Variants in TMCO1 observed in about 807,000 individuals in gnomAD.
TMCO1 encodes calcium load-activated calcium channel.
Under a neutral mutation model 29.3 loss-of-function variants are expected in TMCO1, and 29 were observed. That is an observed-to-expected ratio of 0.99 (90% CI 0.74 to 1.35). The LOEUF (loss-of-function observed/expected upper bound fraction) is 1.35. Among genes scored for constraint, TMCO1 ranks in the 40% most tolerant of loss-of-function variants. TMCO1 has a pLI of 0.00. For synonymous variants in TMCO1, 80 were observed against 77.1 expected (o/e 1.04, Z -0.20); for missense variants, 173 against 225.5 (o/e 0.77, Z 1.49).
At chr1:165,748,028 G>A (rs146582378) in intron 5 of TMCO1, among the ~76,000 whole-genome samples, 1 of 152,062 alleles carries the variant, frequency 6.6e-6, no homozygotes, top group African/African-American at 2.4e-5. Flanking sequence ...GTGTGGGGGC[G>A]AGTCCCTGTA....
At position 165,735,150 on chromosome 1, in the gene TMCO1, C is replaced by T. The variant is rs1043861086; in HGVS notation, c.469-7029G>A. 3.3e-5 allele frequency among the ~76,000 whole-genome samples: 5 copies of T among 152,096 alleles called. No individual in the cohort carries two copies. The East Asian group carries it at 9.6e-4, about 29-fold the overall frequency. On this transcript the variant is annotated intron_variant, in intron 6 of 6. Coordinates refer to ENST00000367881, the MANE Select transcript of TMCO1 (RefSeq NM_019026.6). ...GATTAAGTGACAATCTCTTTCTCTC[C>T]CTCTCACTTCCTCCTTCCTTTCCTC...
At chr1:165,745,552 T>C (rs535630686) in intron 5 of TMCO1, among the ~76,000 whole-genome samples, 3 of 145,508 alleles carry the variant, frequency 2.1e-5, no homozygotes, top group Non-Finnish European at 4.5e-5. Flanking sequence ...GAGGCTAAGG[T>C]AGGGGGATCA....
At chr1:165,766,298 A>G (rs1652564942) in intron 2 of TMCO1, among the ~76,000 whole-genome samples, 1 of 152,240 alleles carries the variant, frequency 6.6e-6, no homozygotes, top group Admixed American at 6.5e-5. Context: ...TCTAGCTGAC[A>G]TAACAAATTG....
At chr1:165,724,489 G>A (rs573611686), downstream of TMCO1, 5 of 454,102 alleles carry the variant, frequency 1.1e-5, no homozygotes, top group Middle Eastern at 2.1e-3. Flanking sequence ...ACCAATAGGT[G>A]AGTGAACCCC....
At chr1:165,729,303 C>G (rs189726009) in intron 6 of TMCO1, among the ~76,000 whole-genome samples, 1 of 145,096 alleles carries the variant, frequency 6.9e-6, no homozygotes, top group East Asian at 2.0e-4. Flanking sequence ...TAAAAACATA[C>G]TTTGTTCTCA....
intron 2 of TMCO1, among the ~76,000 whole-genome samples, chr1:165,763,921 C>G (rs1052871227): frequency 4.6e-5 from 7 of 152,248 alleles, no homozygotes; most frequent in African/African-American, 1.7e-4. Context: ...GCCACTGCAC[C>G]TGGCCTCAAC....
intron 4 of TMCO1, among the ~76,000 whole-genome samples, chr1:165,753,472 C>CAAAAA (rs35980344): frequency 6.3e-5 from 3 of 47,756 alleles, no homozygotes; most frequent in African/African-American, 9.5e-5. Context: ...GACTCTGTCT[C>CAAAAA]AAAAAAAAAA....
intron 6 of TMCO1, among the ~76,000 whole-genome samples, chr1:165,732,250 T>C (rs1016743120): frequency 1.3e-5 from 2 of 152,044 alleles, no homozygotes; most frequent in Admixed American, 1.3e-4. Context: ...TCCCTGCTGT[T>C]GAGATGAGAA....
At chr1:165,725,566 C>A, downstream of TMCO1, 1 of 454,046 alleles carries the variant, frequency 2.2e-6, no homozygotes, top group Non-Finnish European at 4.4e-6. Context: ...CTTCCCTAGA[C>A]AGGAGACAAT....
chr1:165,737,746 A>G (rs535792857), intron 6 of TMCO1, among the ~76,000 whole-genome samples: 7 of 152,368 alleles, frequency 4.6e-5, no homozygotes, highest in Admixed American at 1.3e-4. Flanking sequence ...TCTATGTCCA[A>G]TGAAAATATC....
intron 2 of TMCO1, among the ~76,000 whole-genome samples, chr1:165,767,439 C>T (rs575451908): frequency 8.1e-4 from 124 of 152,302 alleles, no homozygotes; most frequent in African/African-American, 2.6e-3. Context: ...AACTTTCTAA[C>T]CCAACTGAAA....
At chr1:165,732,501 C>CTATA (rs1213679240) in intron 6 of TMCO1, among the ~76,000 whole-genome samples, 16 of 138,210 alleles carry the variant, frequency 1.2e-4, no homozygotes, top group South Asian at 7.2e-4. Flanking sequence ...CTCTCTCTCT[C>CTATA]TCTCTATATA....
At chr1:165,755,121 T>C (rs1045661256) in intron 3 of TMCO1, 1 of 152,122 alleles carries the variant, frequency 6.6e-6, no homozygotes, top group Non-Finnish European at 1.5e-5. Flanking sequence ...AAAAGATACA[T>C]TTATATTTAG....
At chr1:165,737,434 AAGAG>A (rs1347500159) in intron 6 of TMCO1, among the ~76,000 whole-genome samples, 2 of 152,182 alleles carry the variant, frequency 1.3e-5, no homozygotes, top group East Asian at 1.9e-4. Context: ...CCAGAAGAAG[AAGAG>A]AGAGAGAATG....
chr1:165,768,559 G>C, intron 1 of TMCO1, 123 bp downstream of exon 1: 2 of 1,575,186 alleles, frequency 1.3e-6, no homozygotes, highest in Admixed American at 3.8e-5. Flanking sequence ...GAGATTCCCT[G>C]AAGTGGAGTA....
At chr1:165,752,704 G>A (rs938847668) in intron 4 of TMCO1, among the ~76,000 whole-genome samples, 9 of 151,810 alleles carry the variant, frequency 5.9e-5, no homozygotes, top group Non-Finnish European at 4.4e-5. Context: ...TGAGGCAGGA[G>A]AATCACTTGA....
intron 2 of TMCO1, among the ~76,000 whole-genome samples, chr1:165,766,597 T>C (rs995486037): frequency 2.0e-5 from 3 of 151,848 alleles, no homozygotes; most frequent in Admixed American, 2.0e-4. Flanking sequence ...AGATCAGCCC[T>C]GGCAACAGAA....
intron 1 of TMCO1, 172 bp from the exon 2 acceptor site, chr1:165,768,441 T>C (rs1487590368): frequency 1.3e-5 from 20 of 1,518,922 alleles, no homozygotes; most frequent in African/African-American, 4.1e-5. Context: ...AACAGTAACA[T>C]GATGTGAAGG....
chr1:165,735,465 G>A (rs192697599), intron 6 of TMCO1, among the ~76,000 whole-genome samples: 130 of 151,656 alleles, frequency 8.6e-4, no homozygotes, highest in South Asian at 5.2e-3. Context: ...AACAAAAAAG[G>A]AGCCTCAAAT....
Sources: gnomAD v4.1 joint callset for allele counts (sites outside exome capture counted in the v4.1 genomes callset) on GRCh38, gnomAD v4.1.1 for gene constraint, MANE v1.5 for transcripts, NCBI Gene and HGNC (gene_info 2026-07-23, HGNC 2026-07-21) for gene names.